PCDHGA11: variants seen among roughly 807,000 people sequenced by gnomAD.
The protein encoded by PCDHGA11 is protocadherin gamma-A11.
PCDHGA11 carries 39 observed loss-of-function variants against 60.4 expected under a neutral mutation model. That is an observed-to-expected ratio of 0.65 (90% CI 0.50 to 0.84). PCDHGA11 has a LOEUF of 0.84. PCDHGA11 is among the 40% of genes least tolerant of loss of function. The probability of loss-of-function intolerance (pLI) is 0.00; values close to 1 mark genes in which losing one functional copy is unlikely to be tolerated. For synonymous variants in PCDHGA11, 533 were observed against 510.3 expected (o/e 1.04, Z -0.60); for missense variants, 1,165 against 1,197.7 (o/e 0.97, Z 0.40).
intron 1 of PCDHGA11, chr5:141,430,826 C>A: frequency 6.4e-7 from 1 of 1,550,416 alleles, no homozygotes; most frequent in Non-Finnish European, 8.7e-7. Flanking sequence ...CCTGGGGACT[C>A]TGTGGGAGAC....
At position 141,487,905 on chromosome 5, in the gene PCDHGA11, G is replaced by A. The variant is rs1305989274; in HGVS notation, c.2434-6902G>A. The A allele has an allele frequency of 2.9e-6, 2 of 686,270 alleles. No individual in the cohort carries two copies. The highest frequency in any genetic ancestry group is 3.6e-5 in the African/African-American group (2 of 55,348). The allele number at this position is 686,270 out of a possible 1,614,324, so 42.5% of individuals were successfully genotyped here. ...GTGGAAGCATGATGATGGAATGTGG[G>A]AGCACAGGAGGCTACAGTGCACAGG... On this transcript the variant is annotated intron_variant, in intron 1 of 3. Coordinates refer to ENST00000398587, the MANE Select transcript of PCDHGA11 (RefSeq NM_018914.3). This position sits in a 1 kb window ranked among gnomAD's most constrained non-coding sequence, Gnocchi z 5.0.
At chr5:141,453,240 A>G (rs1470706774) in intron 1 of PCDHGA11, among the ~76,000 whole-genome samples, 1 of 152,020 alleles carries the variant, frequency 6.6e-6, no homozygotes, top group African/African-American at 2.4e-5. Context: ...CAGCCTCCCA[A>G]ATAGCTGGGG....
chr5:141,502,866 C>CTTTT (rs549047197), intron 2 of PCDHGA11, among the ~76,000 whole-genome samples: 3 of 128,028 alleles, frequency 2.3e-5, no homozygotes, highest in African/African-American at 6.2e-5. Flanking sequence ...GACTCTCTGT[C>CTTTT]TTTTTTTTTT....
chr5:141,485,886 A>G lies in PCDHGA11; in HGVS notation c.2434-8921A>G. 1.9e-6 allele frequency: 3 copies of G among 1,614,132 alleles called. No individual in the cohort carries two copies. Among genetic ancestry groups the G allele is most frequent in the Non-Finnish European group, 2.5e-6 (3 of 1,180,016 alleles). On this transcript the variant is annotated intron_variant, in intron 1 of 3. Transcript: ENST00000398587. This position sits in a 1 kb window ranked among gnomAD's most constrained non-coding sequence, Gnocchi z 5.7. ...GTATCCGTGCTGGACGTAAACGACAACGCCCCAGCCTTCCAGCAATCCAGC... is the reference window on the plus strand; with the variant it reads ...GTATCCGTGCTGGACGTAAACGACAGCGCCCCAGCCTTCCAGCAATCCAGC...
chr5:141,477,475 C>A lies in PCDHGA11; in HGVS notation c.2434-17332C>A. ...TTCAAGTGTCCGACATCAATGACAA[C>A]CCTCCACAATCTTCTCAATCTTCCT... On this transcript the variant is annotated intron_variant, in intron 1 of 3. Coordinates refer to ENST00000398587, the MANE Select transcript of PCDHGA11 (RefSeq NM_018914.3). The surrounding 1 kb of genome is among the most constrained non-coding windows in gnomAD (Gnocchi z 4.9). The A allele has an allele frequency of 3.1e-6, 5 of 1,614,124 alleles. No homozygotes were observed. The highest frequency in any genetic ancestry group is 4.2e-6 in the Non-Finnish European group (5 of 1,180,030).
At chr5:141,433,044 A>T in intron 1 of PCDHGA11, 2 of 1,613,972 alleles carry the variant, frequency 1.2e-6, no homozygotes, top group Non-Finnish European at 8.5e-7. Flanking sequence ...CTCACCACGG[A>T]CTCGCGGAAG....
chr5:141,474,654 T>C (rs2099352669), intron 1 of PCDHGA11, among the ~76,000 whole-genome samples: 1 of 152,250 alleles, frequency 6.6e-6, no homozygotes, highest in African/African-American at 2.4e-5. Context: ...CTTACTTCTT[T>C]TCTACCTACC....
chr5:141,428,224 G>T, intron 1 of PCDHGA11: 1 of 1,164,316 alleles, frequency 8.6e-7, no homozygotes, highest in Non-Finnish European at 1.3e-6. Context: ...AGTCTTCGCA[G>T]ACAGCCTGCA....
chr5:141,445,708 G>A (rs2098475030), intron 1 of PCDHGA11, among the ~76,000 whole-genome samples: 1 of 152,168 alleles, frequency 6.6e-6, no homozygotes, highest in African/African-American at 2.4e-5. Flanking sequence ...AAATTGTCAG[G>A]CAGAGGAAAT....
Position 141,489,826 on chromosome 5 carries a change from C to G in PCDHGA11, c.2434-4981C>G. On this transcript the variant is annotated intron_variant, in intron 1 of 3. Transcript: ENST00000398587. This position sits in a 1 kb window ranked among gnomAD's most constrained non-coding sequence, Gnocchi z 4.5. The stretch of plus-strand genomic sequence containing the variant: ...TGGGAAGCCATTCCCAGAGCTGGTG[C>G]TAGAGCAGCAGCTGGATCGTGAAGC... 1 of 1,614,186 alleles carries G rather than the reference C, an allele frequency of 6.2e-7. No homozygotes were observed. The highest frequency in any genetic ancestry group is 8.5e-7 in the Non-Finnish European group (1 of 1,179,988).
chr5:141,431,462 G>A lies in PCDHGA11; in HGVS notation c.2433+7802G>A. ...GCGCATCCGCGTGATGGTTCTGGAT[G>A]CGAACGACAACGCACCAGCGTTTGC... On this transcript the variant is annotated intron_variant, in intron 1 of 3. Transcript: ENST00000398587. This position sits in a 1 kb window ranked among gnomAD's most constrained non-coding sequence, Gnocchi z 4.8. 6.2e-7 allele frequency: 1 copy of A among 1,613,826 alleles called. No individual in the cohort carries two copies. The highest frequency in any genetic ancestry group is 2.2e-5 in the East Asian group (1 of 44,886).
chr5:141,433,352 T>C (rs976015031), intron 1 of PCDHGA11: 16 of 614,162 alleles, frequency 2.6e-5, no homozygotes, highest in Non-Finnish European at 3.7e-5. Flanking sequence ...AGCCACCTAC[T>C]GTCTGCCTAT....
intron 2 of PCDHGA11, among the ~76,000 whole-genome samples, chr5:141,500,001 A>G (rs961582279): frequency 6.6e-5 from 10 of 151,914 alleles, no homozygotes; most frequent in African/African-American, 2.4e-4. Context: ...TGATTCTTTC[A>G]TAAGGTCCAC....
chr5:141,432,073 C>T lies in PCDHGA11; in HGVS notation c.2433+8413C>T, dbSNP rs1276949951. On this transcript the variant is annotated intron_variant, in intron 1 of 3. Transcript: ENST00000398587. This position sits in a 1 kb window ranked among gnomAD's most constrained non-coding sequence, Gnocchi z 6.0. ...CGCCCCTATCCACGGAAACTCATAT[C>T]TCGCTGAACGTGGCAGACACCAACG... is the stretch of plus-strand genomic sequence containing the variant. 3.1e-6 allele frequency: 5 copies of T among 1,614,208 alleles called. No homozygotes were observed. Among genetic ancestry groups the T allele is most frequent in the Non-Finnish European group, 4.2e-6 (5 of 1,180,040 alleles).
rs1562137380 is a variant in PCDHGA11, at chr5:141,490,297, G to T, written c.2434-4510G>T. On this transcript the variant is annotated intron_variant, in intron 1 of 3. Coordinates refer to ENST00000398587, the MANE Select transcript of PCDHGA11 (RefSeq NM_018914.3). This position sits in a 1 kb window ranked among gnomAD's most constrained non-coding sequence, Gnocchi z 5.4. The stretch of plus-strand genomic sequence containing the variant: ...TGACAATGCCCCAGAGGTGCTATTG[G>T]CCTCTTTGGCCAACCCTGTCCTAGA... 2 of 1,614,202 alleles carry T rather than the reference G, an allele frequency of 1.2e-6. No individual in the cohort carries two copies. Among genetic ancestry groups the T allele is most frequent in the South Asian group, 1.1e-5 (1 of 91,086 alleles).
intron 1 of PCDHGA11, chr5:141,428,211 C>A: frequency 7.8e-7 from 1 of 1,284,316 alleles, no homozygotes; most frequent in Non-Finnish European, 1.1e-6. Context: ...CTACGCTTCA[C>A]CTAGTCTTCG....
chr5:141,500,870 A>C (rs2099803097), intron 2 of PCDHGA11, among the ~76,000 whole-genome samples: 1 of 139,794 alleles, frequency 7.2e-6, no homozygotes, highest in African/African-American at 2.8e-5. Context: ...ATACACATTC[A>C]TTTACAATTT....
intron 1 of PCDHGA11, chr5:141,430,690 G>A: frequency 1.4e-6 from 2 of 1,410,426 alleles, no homozygotes; most frequent in Non-Finnish European, 1.9e-6. Flanking sequence ...CCCATTCTAT[G>A]GGCGAAGGAA....
In PCDHGA11 at chr5:141,487,747, CTA is replaced by C. The variant is rs2099663990; in HGVS notation, c.2434-7058_2434-7057del. 1 of 1,558,062 alleles carries C rather than the reference CTA, an allele frequency of 6.4e-7. No individual in the cohort carries two copies. The highest frequency in any genetic ancestry group is 2.4e-5 in the East Asian group (1 of 41,708). On this transcript the variant is annotated intron_variant, in intron 1 of 3. Coordinates refer to ENST00000398587, the MANE Select transcript of PCDHGA11 (RefSeq NM_018914.3). This position sits in a 1 kb window ranked among gnomAD's most constrained non-coding sequence, Gnocchi z 5.0. ...ATGTCACCATTTTTGTAAGAGGTAA[CTA>C]TGTGGTAGACGCTGTGCTTTGTAAC... is the stretch of plus-strand genomic sequence containing the variant.
Sources: gnomAD v4.1 joint callset for allele counts (sites outside exome capture counted in the v4.1 genomes callset) on GRCh38, gnomAD v4.1.1 for gene constraint, Gnocchi (gnomAD v3.1) non-coding constraint, MANE v1.5 for transcripts, NCBI Gene and HGNC (gene_info 2026-07-23, HGNC 2026-07-21) for gene names.